Variants in NLRP5 observed in about 807,000 individuals in gnomAD.
The protein encoded by NLRP5 is NLR family pyrin domain containing 5.
NLRP5 carries 93 observed loss-of-function variants against 113.1 expected under a neutral mutation model. The observed-to-expected ratio is 0.82, with a 90% CI of 0.70 to 0.98. The LOEUF (loss-of-function observed/expected upper bound fraction) is 0.98. Among genes scored for constraint, NLRP5 ranks in the 50% least tolerant of loss-of-function variants. NLRP5 has a pLI of 0.00. For missense variants in NLRP5, 1,808 were observed against 1,514.3 expected (o/e 1.19, Z -3.22); for synonymous variants, 751 against 600.7 (o/e 1.25, Z -3.66).
At chr19:56,026,251 G>A (rs1982840430) in intron 6 of NLRP5, among the ~76,000 whole-genome samples, 3 of 151,986 alleles carry the variant, frequency 2.0e-5, no homozygotes, top group African/African-American at 7.2e-5. Flanking sequence ...GGCTTCAGCT[G>A]GGCGCAGTGG....
chr19:56,003,976 G>A lies in NLRP5; in HGVS notation c.323G>A (p.Cys108Tyr). The change falls in exon 2 of 15, where the codon TGT becomes TAT. Residue 108 changes from cysteine (C) to tyrosine (Y), a missense_variant. By Grantham distance (194) the Cys-to-Tyr change is radical. Coordinates refer to ENST00000390649, the MANE Select transcript of NLRP5 (RefSeq NM_153447.4). ...GAAATCGAGAATGCCAACGTGGAAT[G>A]TCTGGCACTCCTCTTGCATGAGTAT... 2 of 1,614,014 alleles carry A rather than the reference G, an allele frequency of 1.2e-6. No individual in the cohort carries two copies. The highest frequency in any genetic ancestry group is 1.7e-6 in the Non-Finnish European group (2 of 1,179,880).
rs190799834 is a variant in NLRP5, at chr19:56,024,452, T to C, written c.680-2461T>C. 9.8e-4 allele frequency among the ~76,000 whole-genome samples: 144 copies of C among 146,590 alleles called. 2 individuals are homozygous for C. Among genetic ancestry groups the C allele is most frequent in the African/African-American group, 3.6e-3 (143 of 39,682 alleles). ...ATACACATATACATATATTTATATA[T>C]ACGTACATACATATATACGTGTGTA... is the stretch of plus-strand genomic sequence containing the variant. On this transcript the variant is annotated intron_variant, in intron 6 of 14. Coordinates refer to ENST00000390649, the MANE Select transcript of NLRP5 (RefSeq NM_153447.4).
At chr19:56,026,590 T>C (rs964328780) in intron 6 of NLRP5, among the ~76,000 whole-genome samples, 8 of 151,426 alleles carry the variant, frequency 5.3e-5, no homozygotes, top group African/African-American at 1.9e-4. Flanking sequence ...TATTTTTATT[T>C]TTATTTTGAG....
At chr19:56,037,025 TC>T (rs1954254534) in intron 9 of NLRP5, among the ~76,000 whole-genome samples, 2 of 152,142 alleles carry the variant, frequency 1.3e-5, no homozygotes, top group Non-Finnish European at 2.9e-5. Context: ...CCTAAGTGTT[TC>T]GTGGCTATTC....
At chr19:56,006,021 C>T (rs1981896752) in intron 2 of NLRP5, among the ~76,000 whole-genome samples, 1 of 152,060 alleles carries the variant, frequency 6.6e-6, no homozygotes, top group Admixed American at 6.6e-5. Context: ...TCTCATATGT[C>T]TGGTGTCAGA....
chr19:56,053,971 G>A (rs1402217496), intron 13 of NLRP5, among the ~76,000 whole-genome samples, 163 bp downstream of exon 13: 5 of 152,168 alleles, frequency 3.3e-5, no homozygotes, highest in African/African-American at 1.2e-4. Flanking sequence ...ATAAGTTCCA[G>A]CTCGGCTCCT....
rs200215825 is a variant in NLRP5, at chr19:56,037,714, A to AAAAG, written c.2616-311_2616-310insAAAG. On this transcript the variant is annotated intron_variant, in intron 9 of 14. Transcript: ENST00000390649. ...GTCTCAAAAAAAAAAAAAAAAAAAA[A>AAAAG]TGTTGGCTGGGGTGGGTTGCTATGA... Among the ~76,000 whole-genome samples, 42 of 131,738 alleles carry AAAAG rather than the reference A, an allele frequency of 3.2e-4. 2 individuals are homozygous for AAAAG. The highest frequency in any genetic ancestry group is 9.9e-4 in the African/African-American group (33 of 33,364). 86.4% of individuals were successfully genotyped at this position (131,738 alleles called of 152,430 possible).
chr19:56,025,386 T>TTCTCTCTCTCTCTC (rs3055366), intron 6 of NLRP5, among the ~76,000 whole-genome samples: 27 of 146,562 alleles, frequency 1.8e-4, no homozygotes, highest in South Asian at 1.5e-3. Flanking sequence ...ACGTGCTCCG[T>TTCTCTCTCTCTCTC]TCTCTCTCTC....
intron 10 of NLRP5, among the ~76,000 whole-genome samples, chr19:56,039,870 C>G (rs573512585): frequency 5.9e-5 from 9 of 152,086 alleles, no homozygotes; most frequent in Non-Finnish European, 1.2e-4. Flanking sequence ...GCCAAGGTCA[C>G]GCCATTGCAC....
At chr19:56,035,554 A>G (rs966595485) in intron 9 of NLRP5, among the ~76,000 whole-genome samples, 7 of 152,236 alleles carry the variant, frequency 4.6e-5, no homozygotes, top group Non-Finnish European at 7.3e-5. Flanking sequence ...GAAAAGATGG[A>G]TGGAGGCTAT....
chr19:56,018,497 T>A (rs1018774578), intron 4 of NLRP5: 1 of 152,248 alleles, frequency 6.6e-6, no homozygotes, highest in Non-Finnish European at 1.5e-5. Context: ...CTTTTCTAGA[T>A]GAGCATACAG....
chr19:56,005,583 GCACACA>G (rs1981869497), intron 2 of NLRP5, among the ~76,000 whole-genome samples: 1 of 76,550 alleles, frequency 1.3e-5, no homozygotes, highest in Non-Finnish European at 2.8e-5. Flanking sequence ...ATACACACAC[GCACACA>G]CGCAGGTGGC....
At chr19:55,995,632 G>A (rs756783246), upstream of NLRP5, among the ~76,000 whole-genome samples, 11 of 152,216 alleles carry the variant, frequency 7.2e-5, no homozygotes, top group South Asian at 4.1e-4. Context: ...GAAGAATGTC[G>A]TTGGTGTTTT....
chr19:56,008,042 C>T (rs1427614614), intron 2 of NLRP5, among the ~76,000 whole-genome samples: 4 of 135,908 alleles, frequency 2.9e-5, no homozygotes, highest in Non-Finnish European at 6.5e-5. Context: ...CATTCTCCTG[C>T]CTCAGCCTCC....
intron 7 of NLRP5, among the ~76,000 whole-genome samples, chr19:56,031,498 G>A (rs1266643908): frequency 2.0e-5 from 3 of 151,964 alleles, no homozygotes; most frequent in South Asian, 2.1e-4. Flanking sequence ...AGGCATGGTG[G>A]TGGGCACCTG....
chr19:55,999,350 G>A (rs929227611), upstream of NLRP5, among the ~76,000 whole-genome samples: 1 of 151,550 alleles, frequency 6.6e-6, no homozygotes, highest in Non-Finnish European at 1.5e-5. Flanking sequence ...GAGTAGCTGG[G>A]GTTACAGGTG....
At chr19:56,004,578 G>C (rs936607061) in intron 2 of NLRP5, among the ~76,000 whole-genome samples, 1 of 152,118 alleles carries the variant, frequency 6.6e-6, no homozygotes, top group African/African-American at 2.4e-5. Context: ...GCTTGGCCGT[G>C]GGATGAAGGA....
rs149263952 is a variant in NLRP5 at position 56,024,455 on chromosome 19, G to T, written c.680-2458G>T. On this transcript the variant is annotated intron_variant, in intron 6 of 14. Coordinates refer to ENST00000390649, the MANE Select transcript of NLRP5 (RefSeq NM_153447.4). ...CACATATACATATATTTATATATAC[G>T]TACATACATATATACGTGTGTATAC... Among the ~76,000 whole-genome samples, 703 of 141,544 alleles carry T rather than the reference G, an allele frequency of 5.0e-3. 8 individuals are homozygous for T. Among genetic ancestry groups the T allele is most frequent in the African/African-American group, 0.016 (628 of 38,296 alleles). The allele number at this position is 141,544 out of a possible 152,430, so 92.9% of individuals were successfully genotyped here.
At chr19:56,045,468 G>T (rs1282459508) in intron 11 of NLRP5, among the ~76,000 whole-genome samples, 1 of 151,736 alleles carries the variant, frequency 6.6e-6, no homozygotes, top group African/African-American at 2.4e-5. Context: ...CAACATGCAG[G>T]TTAGTTACAT....
Sources: allele counts gnomAD v4.1 joint callset (sites outside exome capture counted in the v4.1 genomes callset), GRCh38; gene constraint gnomAD v4.1.1; transcripts MANE v1.5; gene names NCBI Gene and HGNC (gene_info 2026-07-23, HGNC 2026-07-21).